LMO7: variants seen among roughly 807,000 people sequenced by gnomAD.
The protein encoded by LMO7 is LIM domain only protein 7.
LMO7 carries 120 observed loss-of-function variants against 206.5 expected under a neutral mutation model. The observed-to-expected ratio is 0.58, with a 90% CI of 0.50 to 0.68. LMO7 has a LOEUF of 0.68. Ranked by LOEUF, LMO7 falls within the 30% of genes least tolerant of loss-of-function variation. LMO7 has a pLI of 0.00. For missense variants in LMO7, 1,959 were observed against 1,957.9 expected, an observed-to-expected ratio of 1.00 and a Z score of -0.01; for synonymous variants, 706 against 681.5, an observed-to-expected ratio of 1.04 and a Z score of -0.56.
At chr13:75,675,888 G>GCACACACACA (rs3036374) in intron 1 of LMO7, among the ~76,000 whole-genome samples, 4 of 150,666 alleles carry the variant, frequency 2.7e-5, no homozygotes, top group African/African-American at 9.8e-5. Flanking sequence ...GCACGAGCGT[G>GCACACACACA]CACACACACA....
chr13:75,755,844 T>A (rs921957172), intron 3 of LMO7, among the ~76,000 whole-genome samples: 1 of 152,226 alleles, frequency 6.6e-6, no homozygotes, highest in African/African-American at 2.4e-5. Context: ...GATTCCATTC[T>A]TCTAGTGAGG....
At chr13:75,676,062 A>G (rs1273113271) in intron 1 of LMO7, among the ~76,000 whole-genome samples, 1 of 152,238 alleles carries the variant, frequency 6.6e-6, no homozygotes, top group Admixed American at 6.5e-5. Context: ...TTAGGATGTT[A>G]GATGTAGTCA....
chr13:75,709,953 T>C (rs1348872046), intron 1 of LMO7, among the ~76,000 whole-genome samples: 1 of 152,228 alleles, frequency 6.6e-6, no homozygotes, highest in Non-Finnish European at 1.5e-5. Context: ...AAGTCTTTAA[T>C]CCTTCTTGAA....
rs374917830 is a variant in LMO7, at chr13:75,807,772, G to C, written c.1489G>C (p.Asp497His). The stretch of plus-strand genomic sequence containing the variant: ...TGAGCAAGATGATTCTGTAGAGCGA[G>C]ATATAATTTTACAGTGTAGAGAAGG... ...FSEQDDSVERDIILQCREGEL... is the reference protein window; with the variant it reads ...FSEQDDSVERHIILQCREGEL... The change falls in exon 10 of 31, where the codon GAT becomes CAT. Residue 497 changes from aspartate to histidine, a missense_variant. By Grantham distance (81) the Asp-to-His change is moderately conservative. Transcript: ENST00000377534. 54 of 1,613,860 alleles carry C rather than the reference G, an allele frequency of 3.3e-5. No homozygotes were observed. The highest frequency in any genetic ancestry group is 4.4e-5 in the Non-Finnish European group (52 of 1,179,890).
chr13:75,804,380 G>A lies in LMO7; in HGVS notation c.753G>A (p.Glu251=). The A allele has an allele frequency of 1.9e-6, 3 of 1,614,188 alleles. No homozygotes were observed. The highest frequency in any genetic ancestry group is 1.7e-6 in the Non-Finnish European group (2 of 1,180,016). ...CGTATCGAAGGATTTCGGCTGTTGAGCCAAAGACTGCGTTACCCTTCAATC... is the reference window on the plus strand; with the variant it reads ...CGTATCGAAGGATTTCGGCTGTTGAACCAAAGACTGCGTTACCCTTCAATC... ...DMSYRRISAV[E]PKTALPFNRF... is the part of the protein sequence containing the mutation. The change falls in exon 8 of 31, where the codon GAG becomes GAA. Residue 251 remains glutamate (E), a synonymous_variant. Coordinates refer to ENST00000377534, the MANE Select transcript of LMO7 (RefSeq NM_001306080.2).
intron 4 of LMO7, among the ~76,000 whole-genome samples, chr13:75,792,261 C>T (rs2053413448): frequency 6.6e-6 from 1 of 152,134 alleles, no homozygotes; most frequent in Non-Finnish European, 1.5e-5. Context: ...AGCCACTGTG[C>T]CTGGTCTGTT....
chr13:75,670,007 G>A (rs2039416096), intron 1 of LMO7, among the ~76,000 whole-genome samples: 2 of 152,208 alleles, frequency 1.3e-5, no homozygotes, highest in African/African-American at 2.4e-5. Flanking sequence ...GGGTTTGCAA[G>A]TTGCTATAAC....
intron 1 of LMO7, among the ~76,000 whole-genome samples, chr13:75,699,184 C>G (rs2042105918): frequency 6.6e-6 from 1 of 152,108 alleles, no homozygotes; most frequent in Non-Finnish European, 1.5e-5. Flanking sequence ...GGAATGTGTT[C>G]TAAGACTCCC....
At chr13:75,681,706 G>GTATATATA (rs150463472) in intron 1 of LMO7, among the ~76,000 whole-genome samples, 2 of 93,310 alleles carry the variant, frequency 2.1e-5, no homozygotes, top group Non-Finnish European at 4.4e-5. Flanking sequence ...GTATGTATGT[G>GTATATATA]TATATATATA....
chr13:75,761,620 C>T (rs1228185391), intron 4 of LMO7, among the ~76,000 whole-genome samples: 2 of 150,598 alleles, frequency 1.3e-5, no homozygotes, highest in Non-Finnish European at 2.9e-5. Context: ...AACACGTATG[C>T]CAGTATCTGT....
chr13:75,662,736 A>G (rs931491191), intron 1 of LMO7, among the ~76,000 whole-genome samples: 1 of 152,180 alleles, frequency 6.6e-6, no homozygotes, highest in Non-Finnish European at 1.5e-5. Flanking sequence ...ATCCTCATTT[A>G]CCTTTACATT....
upstream of LMO7, among the ~76,000 whole-genome samples, chr13:75,634,468 C>T (rs532411224): frequency 9.9e-5 from 15 of 151,906 alleles, no homozygotes; most frequent in African/African-American, 2.4e-4. Flanking sequence ...CGGCTGGGGG[C>T]GGTGGCTCAC....
chr13:75,625,263 T>G (rs1472691035), intron 2 of LMO7, among the ~76,000 whole-genome samples: 2 of 152,240 alleles, frequency 1.3e-5, no homozygotes, highest in Non-Finnish European at 2.9e-5. Context: ...TATGCAGTAT[T>G]ATTTCTGGCC....
chr13:75,714,238 C>T (rs779023955), intron 2 of LMO7, among the ~76,000 whole-genome samples: 1 of 152,164 alleles, frequency 6.6e-6, no homozygotes, highest in Non-Finnish European at 1.5e-5. Context: ...CATCTTTGAA[C>T]ATTTGACCAA....
At chr13:75,824,860 A>G (rs2057961159) in intron 15 of LMO7, among the ~76,000 whole-genome samples, 1 of 152,072 alleles carries the variant, frequency 6.6e-6, no homozygotes, top group Non-Finnish European at 1.5e-5. Context: ...ACTTGTCCTA[A>G]GTTATATTAA....
intron 4 of LMO7, among the ~76,000 whole-genome samples, chr13:75,777,533 G>A (rs2050671308): frequency 6.6e-6 from 1 of 151,888 alleles, no homozygotes; most frequent in African/African-American, 2.4e-5. Flanking sequence ...AAATACTTTG[G>A]TATTATAATT....
upstream of LMO7, among the ~76,000 whole-genome samples, chr13:75,635,558 G>C (rs766761504): frequency 6.6e-6 from 1 of 152,212 alleles, no homozygotes; most frequent in East Asian, 1.9e-4. Flanking sequence ...CGCTCACCGC[G>C]AGGGCGATCA....
At chr13:75,726,089 A>T (rs1303342990) in intron 2 of LMO7, among the ~76,000 whole-genome samples, 1 of 151,798 alleles carries the variant, frequency 6.6e-6, no homozygotes, top group Non-Finnish European at 1.5e-5. Flanking sequence ...GCTCTGTTAC[A>T]GCCTAAAAAA....
intron 1 of LMO7, among the ~76,000 whole-genome samples, chr13:75,691,593 C>G (rs947369917): frequency 3.9e-5 from 6 of 152,094 alleles, no homozygotes; most frequent in Non-Finnish European, 8.8e-5. Context: ...CAGTGTTGAT[C>G]TCTTTCTTCG....
Sources: allele counts gnomAD v4.1 joint callset (sites outside exome capture counted in the v4.1 genomes callset), GRCh38; gene constraint gnomAD v4.1.1; transcripts MANE v1.5; gene names NCBI Gene and HGNC (gene_info 2026-07-23, HGNC 2026-07-21).